TACR1: variants seen among roughly 807,000 people sequenced by gnomAD.
TACR1 encodes substance-P receptor.
In TACR1, 25 loss-of-function variants were observed where a neutral mutation model predicts 35.8. The observed-to-expected ratio is 0.70, with a 90% CI of 0.51 to 0.98. TACR1 has a LOEUF of 0.98. Ranked by LOEUF, TACR1 falls within the 50% of genes least tolerant of loss-of-function variation. The pLI is 0.00. For missense variants in TACR1, 478 were observed against 522.9 expected, an observed-to-expected ratio of 0.91 and a Z score of 0.84; for synonymous variants, 195 against 206.7, an observed-to-expected ratio of 0.94 and a Z score of 0.48.
At chr2:75,091,947 G>A (rs58959290) in intron 2 of TACR1, among the ~76,000 whole-genome samples, 27,029 of 152,176 alleles carry the variant, frequency 0.18, 3,131 homozygotes, top group African/African-American at 0.31. Flanking sequence ...TTTACAAACA[G>A]TCTTCATCTA....
intron 1 of TACR1, among the ~76,000 whole-genome samples, chr2:75,166,321 A>G (rs1675142259): frequency 6.6e-6 from 1 of 152,160 alleles, no homozygotes; most frequent in South Asian, 2.1e-4. Context: ...ATCACAAATC[A>G]ACAAACATAG....
intron 1 of TACR1, among the ~76,000 whole-genome samples, chr2:75,121,030 A>G (rs193156206): frequency 1.3e-5 from 2 of 152,348 alleles, no homozygotes; most frequent in African/African-American, 4.8e-5. Context: ...AGACATTTTC[A>G]TCATTGAAAT....
chr2:75,100,085 A>G (rs1673506250), intron 2 of TACR1, among the ~76,000 whole-genome samples: 1 of 151,590 alleles, frequency 6.6e-6, no homozygotes, highest in Admixed American at 6.6e-5. Context: ...TGCCACCCAC[A>G]CCCCCACACA....
In TACR1 at chr2:75,198,693, A is replaced by G; in HGVS notation, c.242T>C (p.Met81Thr). The change falls in exon 1 of 5, where the codon ATG becomes ACG. Residue 81 changes from methionine to threonine, a missense_variant. By Grantham distance (81) the Met-to-Thr change is moderately conservative (BLOSUM62 -1). Transcript: ENST00000305249. ...GTTCACCACTGTATTGAATGCAGCCATGGAGGCCTCCGCGAAGGCCAGGTT... is the reference window on the plus strand; with the variant it reads ...GTTCACCACTGTATTGAATGCAGCCGTGGAGGCCTCCGCGAAGGCCAGGTT... ...LVNLAFAEAS[M>T]AAFNTVVNFT... 6.2e-7 allele frequency: 1 copy of G among 1,614,208 alleles called. No individual in the cohort carries two copies.
chr2:75,171,404 G>A (rs1675279600), intron 1 of TACR1, among the ~76,000 whole-genome samples: 1 of 152,236 alleles, frequency 6.6e-6, no homozygotes, highest in Admixed American at 6.5e-5. Context: ...TGCTGCAGGG[G>A]TGAGCCCTCA....
chr2:75,071,762 C>T (rs935119152), intron 2 of TACR1, among the ~76,000 whole-genome samples: 1 of 152,202 alleles, frequency 6.6e-6, no homozygotes, highest in African/African-American at 2.4e-5. Context: ...TTAATTCTTA[C>T]TACTTAGTGC....
intron 1 of TACR1, among the ~76,000 whole-genome samples, chr2:75,128,560 C>G (rs1382951781): frequency 2.6e-5 from 4 of 152,128 alleles, no homozygotes; most frequent in African/African-American, 7.2e-5. Flanking sequence ...GTCAGCTAAT[C>G]GCTGGGATCC....
chr2:75,165,704 A>G (rs979982767), intron 1 of TACR1, among the ~76,000 whole-genome samples: 1 of 152,156 alleles, frequency 6.6e-6, no homozygotes, highest in African/African-American at 2.4e-5. Context: ...CTCATAAAAT[A>G]TGGTGCGCCC....
At chr2:75,083,368 C>T (rs1673129091) in intron 2 of TACR1, among the ~76,000 whole-genome samples, 2 of 152,116 alleles carry the variant, frequency 1.3e-5, no homozygotes. Context: ...GTGATGCCTC[C>T]AGCTTTGTTC....
intron 2 of TACR1, among the ~76,000 whole-genome samples, chr2:75,106,747 T>C (rs1558555151): frequency 6.6e-6 from 1 of 151,942 alleles, no homozygotes; most frequent in Non-Finnish European, 1.5e-5. Flanking sequence ...AAAAAAACTT[T>C]AGGATAACTA....
intron 2 of TACR1, among the ~76,000 whole-genome samples, chr2:75,110,651 G>A (rs907981797): frequency 2.0e-5 from 3 of 151,556 alleles, no homozygotes; most frequent in East Asian, 1.9e-4. Context: ...ATATATGATC[G>A]GTATTATTAA....
chr2:75,149,583 T>G (rs918794152), intron 1 of TACR1, among the ~76,000 whole-genome samples: 1 of 152,222 alleles, frequency 6.6e-6, no homozygotes, highest in Non-Finnish European at 1.5e-5. Context: ...TTTTGCACAT[T>G]GATTTTGTAT....
intron 2 of TACR1, among the ~76,000 whole-genome samples, chr2:75,112,229 CT>C (rs1187948427): frequency 2.0e-5 from 3 of 151,746 alleles, no homozygotes; most frequent in South Asian, 2.1e-4. Flanking sequence ...GATTCTACCC[CT>C]AGTACTGAGT....
Position 75,051,428 on chromosome 2 carries a change from A to G in TACR1, c.755T>C (p.Val252Ala), listed in dbSNP as rs199946496. 4 of 1,613,978 alleles carry G rather than the reference A, an allele frequency of 2.5e-6. No individual in the cohort carries two copies. The highest frequency in any genetic ancestry group is 3.4e-6 in the Non-Finnish European group (4 of 1,179,992). ...AKRKVVKMMI[V>A]VVCTFAICWL... ...GCAGATGGCGAAGGTGCACACCACG[A>G]CAATCATCATTTTGACCACCTGGCA... Residue 252 changes from valine to alanine, a missense_variant, in exon 4 of 5, where the codon GTC becomes GCC. Physicochemically the swap from Val to Ala is moderately conservative, Grantham distance 64. Transcript: ENST00000305249.
rs201034257 is a variant in TACR1 at position 75,071,172 on chromosome 2, GGCCTCTTAGA to G, written c.585-17427_585-17418del. Among the ~76,000 whole-genome samples, 197 of 152,246 alleles carry G rather than the reference GGCCTCTTAGA, an allele frequency of 1.3e-3. 5 individuals carry two copies. In the East Asian group the frequency reaches 0.017, roughly 13 times the overall value. On this transcript the variant is annotated intron_variant, in intron 2 of 4. Coordinates refer to ENST00000305249, the MANE Select transcript of TACR1 (RefSeq NM_001058.4). Reference sequence around the variant, plus strand: ...GCCAAGCATCAAATATCTACTACTTGGCCTCTTAGAAAAATGTGTTGATCCCTGCTGTAAG... The same window carrying G: ...GCCAAGCATCAAATATCTACTACTTGAAAATGTGTTGATCCCTGCTGTAAG...
chr2:75,113,533 T>C (rs868143054), intron 2 of TACR1, among the ~76,000 whole-genome samples: 568 of 17,684 alleles, frequency 0.032, 2 homozygotes, highest in African/African-American at 0.15. Context: ...TTCTTCTTCC[T>C]TTTTTTTTTT....
chr2:75,067,871 G>A (rs1268755056), intron 2 of TACR1, among the ~76,000 whole-genome samples: 1 of 152,218 alleles, frequency 6.6e-6, no homozygotes, highest in Non-Finnish European at 1.5e-5. Flanking sequence ...AGGGTCCTTA[G>A]GCCATGCTGT....
In TACR1 at chr2:75,198,782, C is replaced by T. The variant is rs373035820; in HGVS notation, c.153G>A (p.Val51=). ...GGGCTAAGATGATCCACATCACTAC[C>T]ACGTTGCCCACCACAGAGGTCACCA... ...VIVVTSVVGN[V]VVMWIILAHK... is the part of the protein sequence containing the mutation. The change falls in exon 1 of 5, where the codon GTG becomes GTA. Residue 51 remains valine, a synonymous_variant. Coordinates refer to ENST00000305249, the MANE Select transcript of TACR1 (RefSeq NM_001058.4). 6.5e-5 allele frequency: 105 copies of T among 1,614,190 alleles called. No individual in the cohort carries two copies. The South Asian group carries it at 9.9e-4, about 15-fold the overall frequency.
At chr2:75,188,316 T>A (rs1675756952) in intron 1 of TACR1, 1 of 152,216 alleles carries the variant, frequency 6.6e-6, no homozygotes, top group Non-Finnish European at 1.5e-5. Flanking sequence ...AATTAATAAA[T>A]CATACAAAGT....
Sources: gnomAD v4.1 joint callset for allele counts (sites outside exome capture counted in the v4.1 genomes callset) on GRCh38, gnomAD v4.1.1 for gene constraint, MANE v1.5 for transcripts, NCBI Gene and HGNC (gene_info 2026-07-23, HGNC 2026-07-21) for gene names.